The following ATF7IP variants were observed in gnomAD, a reference collection of about 807,000 sequenced individuals.
ATF7IP encodes the protein activating transcription factor 7-interacting protein 1.
Under a neutral mutation model 106.4 loss-of-function variants are expected in ATF7IP, and 23 were observed. That is an observed-to-expected ratio of 0.22 (90% CI 0.16 to 0.31). The LOEUF is 0.31. Among genes scored for constraint, ATF7IP ranks in the 10% least tolerant of loss-of-function variants. The pLI is 1.00. For synonymous variants in ATF7IP, 542 were observed against 539.0 expected, an observed-to-expected ratio of 1.01 and a Z score of -0.08; for missense variants, 1,334 against 1,524.3, an observed-to-expected ratio of 0.88 and a Z score of 2.08.
intron 1 of ATF7IP, among the ~76,000 whole-genome samples, chr12:14,371,737 T>C (rs1347660680): frequency 6.6e-6 from 1 of 152,152 alleles, no homozygotes; most frequent in Non-Finnish European, 1.5e-5. Flanking sequence ...TTAATGATTC[T>C]GAATCAGAGA....
chr12:14,433,229 C>T (rs1942227487), intron 2 of ATF7IP, among the ~76,000 whole-genome samples: 1 of 151,880 alleles, frequency 6.6e-6, no homozygotes, highest in Admixed American at 6.6e-5. Flanking sequence ...AATTTAGGCC[C>T]AGTGCAGTGG....
chr12:14,407,007 GGAGCTTTT>G (rs1444135273), intron 1 of ATF7IP, among the ~76,000 whole-genome samples: 4 of 152,118 alleles, frequency 2.6e-5, no homozygotes, highest in Non-Finnish European at 4.4e-5. Flanking sequence ...TTCCTCCAAT[GGAGCTTTT>G]GTTACTTAAA....
At chr12:14,402,555 C>G (rs1348697473) in intron 1 of ATF7IP, among the ~76,000 whole-genome samples, 1 of 150,730 alleles carries the variant, frequency 6.6e-6, no homozygotes, top group East Asian at 1.9e-4. Flanking sequence ...TTTCATAAGA[C>G]AGTTCTAATA....
chr12:14,399,341 T>G (rs1565481768), intron 1 of ATF7IP, among the ~76,000 whole-genome samples: 1 of 146,880 alleles, frequency 6.8e-6, no homozygotes, highest in Non-Finnish European at 1.5e-5. Flanking sequence ...GAGGATATTG[T>G]TTTTTTTTTA....
intron 1 of ATF7IP, among the ~76,000 whole-genome samples, chr12:14,409,040 T>C (rs573111134): frequency 6.6e-6 from 1 of 152,172 alleles, no homozygotes; most frequent in African/African-American, 2.4e-5. Context: ...ATTTAAGATG[T>C]TTTCTAATAT....
rs1943603246 is a variant in ATF7IP, at chr12:14,460,669, T to C, written c.2333T>C (p.Leu778Ser). The C allele has an allele frequency of 1.2e-6, 2 of 1,614,190 alleles. No individual in the cohort carries two copies. Among genetic ancestry groups the C allele is most frequent in the Non-Finnish European group, 1.7e-6 (2 of 1,180,012 alleles). The stretch of plus-strand genomic sequence containing the variant: ...GGAAATCCCCAGCCTACAATCTCTT[T>C]ACAGCCTTTGCCAGTGATTTTGCAT... ...PSGNPQPTISLQPLPVILHVP... is the reference protein window; with the variant it reads ...PSGNPQPTISSQPLPVILHVP... Residue 778 changes from leucine (L) to serine (S), a missense_variant, in exon 9 of 15, where the codon TTA becomes TCA. By Grantham distance (145) the Leu-to-Ser change is moderately radical (BLOSUM62 -2). Coordinates refer to ENST00000261168, the MANE Select transcript of ATF7IP (RefSeq NM_018179.5).
chr12:14,455,456 G>A (rs1019201044), intron 6 of ATF7IP, among the ~76,000 whole-genome samples: 1 of 152,160 alleles, frequency 6.6e-6, no homozygotes, highest in African/African-American at 2.4e-5. Context: ...GTAGCAAGAT[G>A]TATTTGTTGT....
At chr12:14,477,694 A>G (rs1944305566) in intron 11 of ATF7IP, among the ~76,000 whole-genome samples, 1 of 152,214 alleles carries the variant, frequency 6.6e-6, no homozygotes, top group African/African-American at 2.4e-5. Context: ...ATTTACATTT[A>G]GTGTGGAATT....
intron 1 of ATF7IP, among the ~76,000 whole-genome samples, chr12:14,400,055 G>A (rs988171173): frequency 2.0e-5 from 3 of 152,218 alleles, no homozygotes; most frequent in Admixed American, 2.0e-4. Flanking sequence ...TTTAGCACTA[G>A]CATGGAAGAG....
intron 2 of ATF7IP, among the ~76,000 whole-genome samples, chr12:14,429,774 A>G (rs1455477435): frequency 6.6e-6 from 1 of 152,178 alleles, no homozygotes; most frequent in African/African-American, 2.4e-5. Flanking sequence ...GCTGTTACTT[A>G]TGTACTTGGC....
At chr12:14,462,240 T>C (rs1943670408) in intron 9 of ATF7IP, among the ~76,000 whole-genome samples, 1 of 152,134 alleles carries the variant, frequency 6.6e-6, no homozygotes, top group Non-Finnish European at 1.5e-5. Flanking sequence ...AAATGTTTGT[T>C]AGTGTTATCT....
chr12:14,486,063 C>G (rs117545050), intron 13 of ATF7IP, among the ~76,000 whole-genome samples: 1 of 152,094 alleles, frequency 6.6e-6, no homozygotes, highest in African/African-American at 2.4e-5. Flanking sequence ...AGCCCTCACC[C>G]TACCAGTCAA....
chr12:14,441,727 G>T (rs1942715421), intron 5 of ATF7IP, among the ~76,000 whole-genome samples: 1 of 152,150 alleles, frequency 6.6e-6, no homozygotes, highest in East Asian at 1.9e-4. Context: ...CTGACCTCAT[G>T]ATCTGCCCAC....
intron 13 of ATF7IP, among the ~76,000 whole-genome samples, chr12:14,494,594 A>G (rs1417681081): frequency 2.7e-5 from 4 of 148,660 alleles, no homozygotes; most frequent in Non-Finnish European, 5.9e-5. Flanking sequence ...GAATGTTTAT[A>G]TATATAAAGG....
intron 13 of ATF7IP, chr12:14,482,265 G>C (rs1215687157): frequency 6.6e-6 from 1 of 152,066 alleles, no homozygotes; most frequent in Non-Finnish European, 1.5e-5. Context: ...AAACATACTA[G>C]GGTTCTCTAG....
In ATF7IP at chr12:14,460,834, T is replaced by TATCCTTGCC. The variant is rs780469320; in HGVS notation, c.2509_2517dup (p.Ser837_Pro839dup). 1.2e-6 allele frequency: 2 copies of TATCCTTGCC among 1,614,200 alleles called. No homozygotes were observed. Among genetic ancestry groups the TATCCTTGCC allele is most frequent in the East Asian group, 2.2e-5 (1 of 44,888 alleles). On this transcript the variant is annotated inframe_insertion, in exon 9 of 15. Coordinates refer to ENST00000261168, the MANE Select transcript of ATF7IP (RefSeq NM_018179.5). ...GTGAGTGGTCTTACCAAAAATCCAG[T>TATCCTTGCC]ATCCTTGCCATCCTTGCCAAATCCC... is the stretch of plus-strand genomic sequence containing the variant.
chr12:14,470,537 A>G (rs1189629628), intron 10 of ATF7IP, among the ~76,000 whole-genome samples: 1 of 152,218 alleles, frequency 6.6e-6, no homozygotes, highest in African/African-American at 2.4e-5. Flanking sequence ...ACCTGGTGGC[A>G]TAGAAATAAT....
chr12:14,476,978 T>C (rs1944283857), intron 11 of ATF7IP, among the ~76,000 whole-genome samples: 1 of 152,170 alleles, frequency 6.6e-6, no homozygotes, highest in South Asian at 2.1e-4. Context: ...AATGCAGACT[T>C]CTCTGAGCCT....
rs1004156344 is a variant in ATF7IP at position 14,484,293 on chromosome 12, G to A, written c.3280+3108G>A. Among the ~76,000 whole-genome samples the A allele has an allele frequency of 2.6e-5, 4 of 152,118 alleles. No homozygotes were observed. In the East Asian group the frequency reaches 5.8e-4, roughly 22 times the overall value. On this transcript the variant is annotated intron_variant, in intron 13 of 14. Transcript: ENST00000261168. ...TTCATGGGCCCTTTGGGTGATGACA[G>A]GGGTGGCTGGGGAAAGAGGCTGAGT...
Sources: gnomAD v4.1 joint callset for allele counts (sites outside exome capture counted in the v4.1 genomes callset) on GRCh38, gnomAD v4.1.1 for gene constraint, MANE v1.5 for transcripts, NCBI Gene and HGNC (gene_info 2026-07-23, HGNC 2026-07-21) for gene names.